The following TPH2 variants were observed in gnomAD, a reference collection of about 807,000 sequenced individuals.
The protein encoded by TPH2 is tryptophan hydroxylase 2, also known as tryptophan 5-hydroxylase 2.
A neutral mutation model predicts 59.1 loss-of-function variants in TPH2; 27 were observed. That is an observed-to-expected ratio of 0.46 (90% CI 0.34 to 0.63). The LOEUF is 0.63. TPH2 is among the 30% of genes least tolerant of loss of function. The pLI, the probability that TPH2 is intolerant of heterozygous loss-of-function variation, is 0.01. For synonymous variants in TPH2, 220 were observed against 210.5 expected (o/e 1.05, Z -0.39); for missense variants, 523 against 588.3 (o/e 0.89, Z 1.15).
In TPH2 at chr12:71,961,316, C is replaced by G. The variant is rs146072200; in HGVS notation, c.609-11203C>G. ...TGGGATAAGCATTATATGACATAAT[C>G]CATGTAATGAACTATTATAGTATTG... On this transcript the variant is annotated intron_variant, in intron 5 of 10. Coordinates refer to ENST00000333850, the MANE Select transcript of TPH2 (RefSeq NM_173353.4). Among the ~76,000 whole-genome samples, 12 of 152,290 alleles carry G rather than the reference C, an allele frequency of 7.9e-5. No individual in the cohort carries two copies. In the East Asian group the frequency reaches 2.3e-3, roughly 29 times the overall value.
intron 8 of TPH2, among the ~76,000 whole-genome samples, chr12:72,017,191 C>CCACT (rs1256676545): frequency 6.6e-6 from 1 of 152,118 alleles, no homozygotes; most frequent in African/African-American, 2.4e-5. Flanking sequence ...CAAGCTTTTG[C>CCACT]CACTGCCCAT....
chr12:71,992,474 T>A (rs567484062), intron 7 of TPH2, among the ~76,000 whole-genome samples: 26 of 143,140 alleles, frequency 1.8e-4, no homozygotes, highest in Middle Eastern at 7.2e-3. Context: ...TGTGGTGGCA[T>A]GCGCCTGTAG....
intron 5 of TPH2, among the ~76,000 whole-genome samples, chr12:71,959,929 C>T (rs1404395659): frequency 6.6e-6 from 1 of 152,044 alleles, no homozygotes; most frequent in Non-Finnish European, 1.5e-5. Context: ...CCTTTCGCTG[C>T]CCTTTTGAGA....
In TPH2 at chr12:71,939,173, T is replaced by C. The variant is rs868622612; in HGVS notation, c.105+82T>C. The C allele has an allele frequency of 1.7e-5, 18 of 1,066,700 alleles. 1 individual carries two copies. In the Middle Eastern group the frequency reaches 1.4e-3, roughly 82 times the overall value. The allele number at this position is 1,066,700 out of a possible 1,614,324, so 66.1% of individuals were successfully genotyped here. ...CTCCTCACCATATGAATCCCTTTTGTAGTGTAAGCACGCACACCTCAAATT... is the reference window on the plus strand; with the variant it reads ...CTCCTCACCATATGAATCCCTTTTGCAGTGTAAGCACGCACACCTCAAATT... On this transcript the variant is annotated intron_variant, in intron 1 of 10. Transcript: ENST00000333850.
chr12:71,941,499 T>C (rs920320565), intron 1 of TPH2, 85 bp from the exon 2 acceptor site: 14 of 1,506,728 alleles, frequency 9.3e-6, no homozygotes, highest in South Asian at 1.2e-5. Flanking sequence ...AGCTTATGAA[T>C]GACATGTATG....
chr12:72,022,481 T>C lies in TPH2; in HGVS notation c.1151T>C (p.Ile384Thr), dbSNP rs760738354. The change falls in exon 9 of 11, where the codon ATT (isoleucine) becomes ACT (threonine). Residue 384 changes from isoleucine to threonine, a missense_variant. By Grantham distance (89) the Ile-to-Thr change is moderately conservative (BLOSUM62 -1). Transcript: ENST00000333850. ...TATGGAGCAGGACTCCTTTCCTCCA[T>C]TGGAGAATTAAAGGTATGAAGCTGT... The part of the protein sequence containing the change: ...RAYGAGLLSS[I>T]GELKHALSDK... The C allele has an allele frequency of 6.2e-7, 1 of 1,613,092 alleles. No individual in the cohort carries two copies. Among genetic ancestry groups the C allele is most frequent in the Non-Finnish European group, 8.5e-7 (1 of 1,179,076 alleles).
chr12:71,980,041 A>G (rs1872231883), intron 7 of TPH2, among the ~76,000 whole-genome samples: 1 of 152,224 alleles, frequency 6.6e-6, no homozygotes, highest in African/African-American at 2.4e-5. Flanking sequence ...AGACAAATAG[A>G]GCATGGCAAG....
At chr12:71,962,246 G>T in intron 5 of TPH2, 1 of 985,452 alleles carries the variant, frequency 1.0e-6, no homozygotes, top group Non-Finnish European at 1.2e-6. Flanking sequence ...ACTGATTTGT[G>T]AGTTTTTGTT....
intron 9 of TPH2, among the ~76,000 whole-genome samples, chr12:72,027,697 T>C (rs1873607479): frequency 6.6e-6 from 1 of 152,204 alleles, no homozygotes; most frequent in Non-Finnish European, 1.5e-5. Flanking sequence ...AAAGCTGGAA[T>C]GGCAAATAAG....
chr12:71,973,546 A>G (rs139962428), intron 6 of TPH2, among the ~76,000 whole-genome samples: 7,680 of 152,308 alleles, frequency 0.05, 662 homozygotes, highest in African/African-American at 0.18. Context: ...CCTTTCCTAG[A>G]AAACTCATGA....
chr12:72,029,073 G>A (rs1340574086), intron 9 of TPH2, among the ~76,000 whole-genome samples: 3 of 152,212 alleles, frequency 2.0e-5, no homozygotes, highest in African/African-American at 7.2e-5. Context: ...TTCAGTCTCT[G>A]TCATTGCATA....
At chr12:71,953,556 G>C (rs1045796748) in intron 5 of TPH2, among the ~76,000 whole-genome samples, 17 of 152,124 alleles carry the variant, frequency 1.1e-4, no homozygotes, top group Non-Finnish European at 2.5e-4. Flanking sequence ...ATTGAAATAG[G>C]TATTTTTCTA....
chr12:71,950,387 A>G (rs1871313154), intron 5 of TPH2, among the ~76,000 whole-genome samples: 1 of 152,038 alleles, frequency 6.6e-6, no homozygotes, highest in Non-Finnish European at 1.5e-5. Context: ...TTGGGTCAAT[A>G]AAGGAAAATT....
intron 7 of TPH2, among the ~76,000 whole-genome samples, chr12:71,991,461 C>T (rs1415905361): frequency 1.3e-5 from 2 of 152,178 alleles, no homozygotes; most frequent in Non-Finnish European, 2.9e-5. Flanking sequence ...TTGTTTATGT[C>T]AATGAGAGAA....
intron 6 of TPH2, among the ~76,000 whole-genome samples, chr12:71,973,001 G>A (rs1444215535): frequency 1.3e-5 from 2 of 152,152 alleles, no homozygotes; most frequent in Non-Finnish European, 2.9e-5. Flanking sequence ...TCTGATCCAG[G>A]AGCTGCTGTG....
chr12:71,953,666 T>A (rs1871414412), intron 5 of TPH2, among the ~76,000 whole-genome samples: 1 of 152,222 alleles, frequency 6.6e-6, no homozygotes, highest in Non-Finnish European at 1.5e-5. Context: ...TTTTCCAAAC[T>A]GATGTTTAGA....
chr12:72,002,639 A>C (rs1250522062), intron 8 of TPH2, among the ~76,000 whole-genome samples: 1 of 152,200 alleles, frequency 6.6e-6, no homozygotes, highest in African/African-American at 2.4e-5. Context: ...AATGCATATT[A>C]GCATGCCAAG....
chr12:71,948,938 A>G (rs1421886938), intron 4 of TPH2, among the ~76,000 whole-genome samples: 1 of 152,258 alleles, frequency 6.6e-6, no homozygotes. Flanking sequence ...TTAATTTCCC[A>G]AGTGGCTGAT....
At chr12:71,998,126 T>G in intron 8 of TPH2, among the ~76,000 whole-genome samples, 1 of 152,140 alleles carries the variant, frequency 6.6e-6, no homozygotes, top group East Asian at 1.9e-4. Context: ...GTGAAGAATT[T>G]GGGATGGAGT....
Sources: allele counts gnomAD v4.1 joint callset (sites outside exome capture counted in the v4.1 genomes callset), GRCh38; gene constraint gnomAD v4.1.1; transcripts MANE v1.5; gene names NCBI Gene and HGNC (gene_info 2026-07-23, HGNC 2026-07-21).